PRH1: variants seen among roughly 807,000 people sequenced by gnomAD.
PRH1 encodes proline rich protein HaeIII subfamily 1.
Under a neutral mutation model 7.9 loss-of-function variants are expected in PRH1, and 7 were observed. The ratio of observed to expected loss-of-function variants is 0.89; its 90% CI spans 0.50 to 1.67. PRH1 has a LOEUF of 1.67. PRH1 is among the 40% of genes most tolerant of loss of function. The probability of loss-of-function intolerance (pLI) is 0.00; values close to 1 mark genes in which losing one functional copy is unlikely to be tolerated. For missense variants in PRH1, 109 were observed against 223.6 expected, an observed-to-expected ratio of 0.49 and a Z score of 3.27; for synonymous variants, 45 against 80.8, an observed-to-expected ratio of 0.56 and a Z score of 2.38.
At chr12:11,113,335 A>G (rs1565665677) in intron 1 of PRH1, among the ~76,000 whole-genome samples, 1 of 152,214 alleles carries the variant, frequency 6.6e-6, no homozygotes, top group Non-Finnish European at 1.5e-5. Flanking sequence ...TACAGTAACC[A>G]AAACAGCATG....
At chr12:10,998,136 C>T (rs905235042) in intron 1 of PRH1, among the ~76,000 whole-genome samples, 3 of 152,136 alleles carry the variant, frequency 2.0e-5, no homozygotes, top group African/African-American at 7.2e-5. Context: ...TCTATTCTTG[C>T]TATAGGCTGA....
At chr12:10,885,358 T>G (rs1196627865), upstream of PRH1, among the ~76,000 whole-genome samples, 1 of 152,230 alleles carries the variant, frequency 6.6e-6, no homozygotes, top group East Asian at 1.9e-4. Flanking sequence ...TTTTGTATTC[T>G]GAGTCTACCT....
chr12:11,018,508 T>A (rs1267411245), intron 1 of PRH1, among the ~76,000 whole-genome samples: 1 of 152,234 alleles, frequency 6.6e-6, no homozygotes, highest in East Asian at 1.9e-4. Flanking sequence ...TGAATGTATC[T>A]GTGGGCATGA....
At chr12:11,020,997 A>G (rs542843282) in intron 1 of PRH1, among the ~76,000 whole-genome samples, 2 of 152,370 alleles carry the variant, frequency 1.3e-5, no homozygotes, top group South Asian at 2.1e-4. Context: ...CTTCATTCCT[A>G]TTATAGAAAT....
At chr12:10,964,337 GA>G (rs1198082939) in intron 2 of PRH1, 1 of 180,188 alleles carries the variant, frequency 5.5e-6, no homozygotes, top group Non-Finnish European at 1.2e-5. Flanking sequence ...ATACAATACA[GA>G]AAAACCAGTG....
intron 1 of PRH1, chr12:11,031,171 T>A (rs1380868096): frequency 6.2e-7 from 1 of 1,614,178 alleles, no homozygotes; most frequent in Admixed American, 1.7e-5. Flanking sequence ...GCAAACCAAC[T>A]CTGGAGACCG....
intron 1 of PRH1, among the ~76,000 whole-genome samples, chr12:11,102,614 T>C (rs1363721892): frequency 6.6e-6 from 1 of 152,178 alleles, no homozygotes; most frequent in Non-Finnish European, 1.5e-5. Context: ...GGCAATACCA[T>C]TCAGGACACA....
chr12:11,068,980 TCACTGCTCTC>T (rs141002363), intron 1 of PRH1, among the ~76,000 whole-genome samples: 1 of 18,362 alleles, frequency 5.4e-5, no homozygotes, highest in East Asian at 9.3e-3. Flanking sequence ...TCGGATTGGC[TCACTGCTCTC>T]CACTGCTCTC....
intron 1 of PRH1, chr12:11,166,096 C>A (rs1444367687): frequency 6.6e-6 from 1 of 152,244 alleles, no homozygotes; most frequent in Non-Finnish European, 1.5e-5. Flanking sequence ...TGGCTGAAAG[C>A]CGGTTTTCTC....
chr12:11,073,853 T>C (rs1186151620), intron 1 of PRH1, among the ~76,000 whole-genome samples: 1 of 152,142 alleles, frequency 6.6e-6, no homozygotes, highest in African/African-American at 2.4e-5. Flanking sequence ...CCCTAGGGAA[T>C]TACTGCAGAA....
chr12:10,909,221 A>T (rs751769448), intron 2 of PRH1: 16 of 1,613,588 alleles, frequency 9.9e-6, no homozygotes, highest in Admixed American at 1.7e-5. Context: ...TCAGTACTAT[A>T]AATCCATTGC....
chr12:11,051,748 T>C (rs567684052), upstream of PRH1, among the ~76,000 whole-genome samples: 1 of 152,328 alleles, frequency 6.6e-6, no homozygotes, highest in Non-Finnish European at 1.5e-5. Context: ...TCCTATATGT[T>C]CGTATTCATG....
chr12:11,073,875 T>G (rs1382281383), intron 1 of PRH1, among the ~76,000 whole-genome samples: 4 of 152,132 alleles, frequency 2.6e-5, no homozygotes, highest in Non-Finnish European at 4.4e-5. Context: ...TATTCCCTCT[T>G]CAGCGGAGGA....
At chr12:11,046,756 A>T (rs1410172964) in intron 1 of PRH1, among the ~76,000 whole-genome samples, 1 of 152,024 alleles carries the variant, frequency 6.6e-6, no homozygotes, top group Non-Finnish European at 1.5e-5. Context: ...GTAAGAAAAA[A>T]ATGTTGTATG....
At chr12:11,039,451 C>G (rs1942607105) in intron 1 of PRH1, among the ~76,000 whole-genome samples, 2 of 152,232 alleles carry the variant, frequency 1.3e-5, no homozygotes, top group Admixed American at 6.5e-5. Context: ...AAATTTTCCA[C>G]ATCGTTGTTG....
chr12:11,048,560 A>G, upstream of PRH1: 2 of 581,182 alleles, frequency 3.4e-6, no homozygotes, highest in Non-Finnish European at 6.3e-6. Flanking sequence ...ATAAGGAAGG[A>G]GATCACAGTT....
At chr12:11,086,149 C>A (rs1313558810) in intron 1 of PRH1, among the ~76,000 whole-genome samples, 1 of 65,928 alleles carries the variant, frequency 1.5e-5, no homozygotes, top group Admixed American at 1.6e-4. Context: ...AAATTATTGT[C>A]CTATAATTTC....
chr12:10,884,343 G>A, upstream of PRH1: 1 of 1,150,020 alleles, frequency 8.7e-7, no homozygotes, highest in Non-Finnish European at 1.3e-6. Flanking sequence ...TCGCCTCAGA[G>A]ACTGGCTTCT....
At chr12:11,152,735 A>T (rs1947137476) in intron 1 of PRH1, among the ~76,000 whole-genome samples, 1 of 152,160 alleles carries the variant, frequency 6.6e-6, no homozygotes, top group South Asian at 2.1e-4. Flanking sequence ...ATGCCCATTA[A>T]TGTTGTACTT....
Sources: gnomAD v4.1 joint callset for allele counts (sites outside exome capture counted in the v4.1 genomes callset) on GRCh38, gnomAD v4.1.1 for gene constraint, MANE v1.5 for transcripts, NCBI Gene and HGNC (gene_info 2026-07-23, HGNC 2026-07-21) for gene names.